The following ZC3H12B variants were observed in gnomAD, a reference collection of about 807,000 sequenced individuals.
The protein encoded by ZC3H12B is zinc finger CCCH-type containing 12B.
In ZC3H12B, 7 loss-of-function variants were observed where a neutral mutation model predicts 43.9. The ratio of observed to expected loss-of-function variants is 0.16; its 90% CI spans 0.09 to 0.30. ZC3H12B has a LOEUF of 0.30. Among genes scored for constraint, ZC3H12B ranks in the 10% least tolerant of loss-of-function variants. The pLI is 1.00. For missense variants in ZC3H12B, 475 were observed against 670.2 expected, an observed-to-expected ratio of 0.71 and a Z score of 3.22; for synonymous variants, 222 against 241.7, an observed-to-expected ratio of 0.92 and a Z score of 0.76.
At chrX:65,494,179 GT>G (rs1025780547) in intron 1 of ZC3H12B, among the ~76,000 whole-genome samples, 6 of 110,317 alleles carry the variant, frequency 5.4e-5, no homozygotes, top group Non-Finnish European at 9.5e-5. Flanking sequence ...GGATTTTGGA[GT>G]TTTTTTTCTT....
chrX:65,038,060 T>C, the ZC3H12B span, among the ~76,000 whole-genome samples: 3 of 111,458 alleles, frequency 2.7e-5, no homozygotes, highest in Non-Finnish European at 5.7e-5. Flanking sequence ...TCCTAGGTTT[T>C]AGTCAGCCAT....
chrX:65,323,082 T>C, the ZC3H12B span, among the ~76,000 whole-genome samples: 1 of 111,879 alleles, frequency 8.9e-6, no homozygotes, highest in Non-Finnish European at 1.9e-5. Flanking sequence ...TTGGATTATG[T>C]TGTCAACAAA....
chrX:65,241,289 G>A, the ZC3H12B span, among the ~76,000 whole-genome samples: 10 of 111,605 alleles, frequency 9.0e-5, no homozygotes, highest in Non-Finnish European at 1.1e-4. Flanking sequence ...GCCCAGTGAG[G>A]AGGGATGGAT....
At chrX:65,312,981 A>T in the ZC3H12B span, among the ~76,000 whole-genome samples, 1 of 111,855 alleles carries the variant, frequency 8.9e-6, no homozygotes, top group Non-Finnish European at 1.9e-5. Flanking sequence ...CTCTGGGTTC[A>T]AGTGATTCTC....
At chrX:65,102,591 A>G in the ZC3H12B span, among the ~76,000 whole-genome samples, 1 of 111,931 alleles carries the variant, frequency 8.9e-6, no homozygotes, top group Non-Finnish European at 1.9e-5. Flanking sequence ...ATACACTAAT[A>G]ATAGACAAAC....
chrX:65,303,868 A>G, the ZC3H12B span, among the ~76,000 whole-genome samples: 1 of 112,567 alleles, frequency 8.9e-6, no homozygotes, highest in South Asian at 3.6e-4. Context: ...AAATTGTGAA[A>G]CATTGCTGAC....
the ZC3H12B span, among the ~76,000 whole-genome samples, chrX:65,157,124 G>T: frequency 9.0e-6 from 1 of 110,883 alleles, no homozygotes. Context: ...TGAGACTAAA[G>T]TGGGCTCCAA....
chrX:65,280,292 C>T, the ZC3H12B span, among the ~76,000 whole-genome samples: 4 of 112,202 alleles, frequency 3.6e-5, no homozygotes, highest in Non-Finnish European at 5.6e-5. Context: ...GAATTATGAA[C>T]AAAAATCATA....
chrX:65,263,708 T>G, the ZC3H12B span, among the ~76,000 whole-genome samples: 1 of 111,657 alleles, frequency 9.0e-6, no homozygotes, highest in Non-Finnish European at 1.9e-5. Flanking sequence ...TGTTTCCTGC[T>G]GTTGGGAATG....
chrX:65,468,041 A>G (rs1275371961), intron 3 of ZC3H12B, among the ~76,000 whole-genome samples: 2 of 112,050 alleles, frequency 1.8e-5, no homozygotes, highest in Non-Finnish European at 3.8e-5. Context: ...GCCAATGTCC[A>G]GAAGTATTTT....
intron 3 of ZC3H12B, among the ~76,000 whole-genome samples, chrX:65,439,282 A>T (rs985373728): frequency 8.9e-6 from 1 of 111,815 alleles, no homozygotes; most frequent in Non-Finnish European, 1.9e-5. Flanking sequence ...CCACTATACC[A>T]CCATGGTTCT....
chrX:65,052,272 AG>A, the ZC3H12B span, among the ~76,000 whole-genome samples: 27 of 111,615 alleles, frequency 2.4e-4, no homozygotes, highest in East Asian at 6.2e-3. Context: ...CACATCATGG[AG>A]AATAGGGTAT....
chrX:65,470,902 T>A (rs1319634461), intron 3 of ZC3H12B, among the ~76,000 whole-genome samples: 4 of 112,344 alleles, frequency 3.6e-5, no homozygotes, highest in Non-Finnish European at 7.5e-5. Flanking sequence ...ATACTTGATA[T>A]GATTTTGATT....
chrX:65,067,503 C>G, the ZC3H12B span, among the ~76,000 whole-genome samples: 1 of 110,161 alleles, frequency 9.1e-6, no homozygotes, highest in Non-Finnish European at 1.9e-5. Flanking sequence ...TGAGATGAAC[C>G]GTGTACCTCA....
the ZC3H12B span, among the ~76,000 whole-genome samples, chrX:65,182,380 G>A: frequency 9.0e-6 from 1 of 110,823 alleles, no homozygotes; most frequent in Non-Finnish European, 1.9e-5. Flanking sequence ...TAACAAACCT[G>A]CACGTTCTGC....
the ZC3H12B span, among the ~76,000 whole-genome samples, chrX:65,253,849 T>C: frequency 8.9e-6 from 1 of 112,380 alleles, no homozygotes; most frequent in Admixed American, 9.4e-5. Context: ...GAAGCTGTTT[T>C]GCTGGCACAC....
At chrX:65,117,072 C>T in the ZC3H12B span, among the ~76,000 whole-genome samples, 1 of 111,869 alleles carries the variant, frequency 8.9e-6, no homozygotes, top group Non-Finnish European at 1.9e-5. Context: ...TGGGTATATA[C>T]CCAGGAATGG....
At chrX:65,169,648 A>C in the ZC3H12B span, among the ~76,000 whole-genome samples, 1 of 111,538 alleles carries the variant, frequency 9.0e-6, no homozygotes, top group Non-Finnish European at 1.9e-5. Flanking sequence ...AAAGTCTCCC[A>C]TTTTTACTGT....
chrX:65,072,402 G>A, the ZC3H12B span, among the ~76,000 whole-genome samples: 293 of 112,277 alleles, frequency 2.6e-3, 3 homozygotes, highest in African/African-American at 9.1e-3. Flanking sequence ...AACCATCTCA[G>A]CCTGGTTCAG....
Sources: allele counts gnomAD v4.1 joint callset (sites outside exome capture counted in the v4.1 genomes callset), GRCh38; gene constraint gnomAD v4.1.1; transcripts MANE v1.5; gene names NCBI Gene and HGNC (gene_info 2026-07-23, HGNC 2026-07-21).